PINX1: variants seen among roughly 807,000 people sequenced by gnomAD.
The protein encoded by PINX1 is PIN2 (TERF1) interacting telomerase inhibitor 1, also known as PIN2/TERF1-interacting telomerase inhibitor 1.
Under a neutral mutation model 25.4 loss-of-function variants are expected in PINX1, and 34 were observed. The ratio of observed to expected loss-of-function variants is 1.34; its 90% CI spans 1.02 to 1.78. The LOEUF (loss-of-function observed/expected upper bound fraction) is 1.78, where lower values mean the gene tolerates loss of function less well. Ranked by LOEUF, PINX1 falls within the 40% of genes most tolerant of loss-of-function variation. PINX1 has a pLI of 0.00. For missense variants in PINX1, 592 were observed against 404.9 expected, an observed-to-expected ratio of 1.46 and a Z score of -3.97; for synonymous variants, 197 against 147.7, an observed-to-expected ratio of 1.33 and a Z score of -2.42.
intron 6 of PINX1, among the ~76,000 whole-genome samples, chr8:10,797,995 A>G (rs4504595): frequency 0.63 from 95,448 of 152,088 alleles, 30,896 homozygotes; most frequent in African/African-American, 0.77. Context: ...TAAAGCAAGT[A>G]TTCTTAAAGA....
At chr8:10,808,046 T>C (rs1802511655) in intron 6 of PINX1, among the ~76,000 whole-genome samples, 1 of 152,196 alleles carries the variant, frequency 6.6e-6, no homozygotes, top group Non-Finnish European at 1.5e-5. Flanking sequence ...AATGCTTTTG[T>C]TTCCCATCAG....
chr8:10,838,306 A>G (rs1347496525), intron 1 of PINX1, among the ~76,000 whole-genome samples: 1 of 152,266 alleles, frequency 6.6e-6, no homozygotes, highest in African/African-American at 2.4e-5. Context: ...ACACAAAAAT[A>G]TTACATATTA....
intron 6 of PINX1, among the ~76,000 whole-genome samples, chr8:10,793,130 G>C (rs1012920668): frequency 6.6e-6 from 1 of 152,156 alleles, no homozygotes; most frequent in Non-Finnish European, 1.5e-5. Flanking sequence ...ACGAAAGCAT[G>C]ATCTTCCGCT....
intron 6 of PINX1, among the ~76,000 whole-genome samples, chr8:10,807,367 T>C (rs377285727): frequency 3.6e-4 from 38 of 106,546 alleles, no homozygotes; most frequent in African/African-American, 1.3e-3. Context: ...TACAGTAAAA[T>C]TGGAGACAAA....
rs150462634 is a variant in PINX1 at position 10,823,517 on chromosome 8, TAA to T, written c.394+2633_394+2634del. Among the ~76,000 whole-genome samples the T allele has an allele frequency of 5.1e-4, 76 of 150,346 alleles. 1 individual carries two copies. The highest frequency in any genetic ancestry group is 1.8e-3 in the African/African-American group (74 of 41,034). On this transcript the variant is annotated intron_variant, in intron 5 of 6. Coordinates refer to ENST00000314787, the MANE Select transcript of PINX1 (RefSeq NM_017884.6). Reference sequence around the variant, plus strand: ...CTCTATCTGCAGAGACCTTTTGCATTAAAAAAAAATACAAAAAACTACAAACC... The same window carrying T: ...CTCTATCTGCAGAGACCTTTTGCATTAAAAAAATACAAAAAACTACAAACC...
intron 6 of PINX1, among the ~76,000 whole-genome samples, chr8:10,770,304 G>C (rs567316189): frequency 6.6e-6 from 1 of 152,318 alleles, no homozygotes; most frequent in South Asian, 2.1e-4. Flanking sequence ...ATTAGAGCTG[G>C]AGAATCTTAA....
At chr8:10,801,584 T>C (rs979551525) in intron 6 of PINX1, among the ~76,000 whole-genome samples, 2 of 152,144 alleles carry the variant, frequency 1.3e-5, no homozygotes, top group Non-Finnish European at 2.9e-5. Context: ...TTTCTGGAAG[T>C]CCAGGGAAGA....
rs921111711 is a variant in PINX1, at chr8:10,798,886, C to T, written c.471+21307G>A. Among the ~76,000 whole-genome samples the T allele has an allele frequency of 5.9e-5, 9 of 152,246 alleles. No homozygotes were observed. The East Asian group carries it at 1.5e-3, about 26-fold the overall frequency. On this transcript the variant is annotated intron_variant, in intron 6 of 6. Coordinates refer to ENST00000314787, the MANE Select transcript of PINX1 (RefSeq NM_017884.6). ...GATTCTGCCAGCTTAGAACTGGAGGCGGTGAATCAATTACTGCTTAGTAGC... is the reference window on the plus strand; with the variant it reads ...GATTCTGCCAGCTTAGAACTGGAGGTGGTGAATCAATTACTGCTTAGTAGC...
intron 6 of PINX1, among the ~76,000 whole-genome samples, chr8:10,779,078 G>A (rs955454388): frequency 3.1e-4 from 47 of 152,196 alleles, no homozygotes; most frequent in African/African-American, 1.0e-3. Context: ...GGAGGGTAGC[G>A]GAGAAATAAC....
intron 6 of PINX1, among the ~76,000 whole-genome samples, chr8:10,786,882 C>A (rs1430119714): frequency 6.6e-6 from 1 of 152,180 alleles, no homozygotes; most frequent in African/African-American, 2.4e-5. Flanking sequence ...CAGATTGCAC[C>A]CCACTGTGGA....
intron 6 of PINX1, among the ~76,000 whole-genome samples, chr8:10,792,984 T>A (rs958723427): frequency 6.6e-6 from 1 of 152,276 alleles, no homozygotes; most frequent in Middle Eastern, 3.4e-3. Flanking sequence ...CCAGACTGTC[T>A]TGTTGCCACT....
chr8:10,791,298 A>T (rs1801915008), intron 6 of PINX1, among the ~76,000 whole-genome samples: 1 of 152,170 alleles, frequency 6.6e-6, no homozygotes, highest in Non-Finnish European at 1.5e-5. Flanking sequence ...TCTGTTTTTC[A>T]ACATCCAGCT....
intron 6 of PINX1, among the ~76,000 whole-genome samples, chr8:10,785,830 A>G (rs1167859416): frequency 2.6e-5 from 4 of 152,230 alleles, no homozygotes; most frequent in Non-Finnish European, 4.4e-5. Flanking sequence ...AACAAACACT[A>G]CATACTCTAA....
At chr8:10,836,527 C>T (rs1798412018) in intron 1 of PINX1, among the ~76,000 whole-genome samples, 1 of 152,202 alleles carries the variant, frequency 6.6e-6, no homozygotes, top group Admixed American at 6.5e-5. Context: ...TCACGCTCTG[C>T]AGTTAAGAAC....
Position 10,814,279 on chromosome 8 carries a change from T to A in PINX1, c.471+5914A>T, listed in dbSNP as rs556374919. On this transcript the variant is annotated intron_variant, in intron 6 of 6. Transcript: ENST00000314787. ...ACACAGAACAGTTTATGAGAAGTTT[T>A]CTGAGCAACTGGCAGTTCGTGATGA... is the stretch of plus-strand genomic sequence containing the variant. 1.2e-3 allele frequency among the ~76,000 whole-genome samples: 177 copies of A among 152,332 alleles called. 3 individuals carry two copies. In the South Asian group the frequency reaches 0.034, roughly 29 times the overall value.
At chr8:10,835,918 G>A (rs552439615) in intron 1 of PINX1, among the ~76,000 whole-genome samples, 4 of 152,124 alleles carry the variant, frequency 2.6e-5, no homozygotes, top group Admixed American at 1.3e-4. Flanking sequence ...TATCACTGTC[G>A]TTTTAAGGAA....
Position 10,816,894 on chromosome 8 carries a change from G to C in PINX1, c.471+3299C>G, listed in dbSNP as rs1797714939. On this transcript the variant is annotated intron_variant, in intron 6 of 6. Coordinates refer to ENST00000314787, the MANE Select transcript of PINX1 (RefSeq NM_017884.6). ...TTCTAACAATTCTCTCTGTGCCTCA[G>C]TTTCCTCACTGCTACAGAGGAGATA... Among the ~76,000 whole-genome samples the C allele has an allele frequency of 3.3e-5, 5 of 152,304 alleles. No individual in the cohort carries two copies. The South Asian group carries it at 1.0e-3, about 32-fold the overall frequency.
At chr8:10,831,833 T>G (rs1798235814) in intron 3 of PINX1, 90 bp from the exon 4 acceptor site, 1 of 722,666 alleles carries the variant, frequency 1.4e-6, no homozygotes, top group Non-Finnish European at 2.4e-6. Flanking sequence ...GGAAATCCAG[T>G]GGTTAATTAA....
At chr8:10,768,601 G>C (rs1293987222) in intron 6 of PINX1, among the ~76,000 whole-genome samples, 1 of 152,164 alleles carries the variant, frequency 6.6e-6, no homozygotes, top group African/African-American at 2.4e-5. Flanking sequence ...GCAAAGTGCT[G>C]GCCACACAAT....
Sources: gnomAD v4.1 joint callset for allele counts (sites outside exome capture counted in the v4.1 genomes callset) on GRCh38, gnomAD v4.1.1 for gene constraint, MANE v1.5 for transcripts, NCBI Gene and HGNC (gene_info 2026-07-23, HGNC 2026-07-21) for gene names.